Variants in MYH3 observed in about 807,000 individuals in gnomAD.
MYH3 encodes myosin heavy chain 3.
A neutral mutation model predicts 238.0 loss-of-function variants in MYH3; 130 were observed. The ratio of observed to expected loss-of-function variants is 0.55; its 90% CI spans 0.47 to 0.63. The LOEUF (loss-of-function observed/expected upper bound fraction) is 0.63. MYH3 is among the 30% of genes least tolerant of loss of function. The pLI, the probability that MYH3 is intolerant of heterozygous loss-of-function variation, is 0.00. For missense variants in MYH3, 1,853 were observed against 2,374.9 expected (o/e 0.78, Z 4.57); for synonymous variants, 880 against 924.1 (o/e 0.95, Z 0.86).
At chr17:10,632,050 T>A in intron 34 of MYH3, 34 bp from the exon 35 acceptor site, 1 of 1,607,590 alleles carries the variant, frequency 6.2e-7, no homozygotes, top group South Asian at 1.1e-5. Flanking sequence ...CTATTTGAAG[T>A]TGAGGCGTTA....
the MYH3 span, among the ~76,000 whole-genome samples, chr17:10,665,039 C>T: frequency 7.9e-5 from 12 of 152,018 alleles, no homozygotes; most frequent in African/African-American, 2.2e-4. Flanking sequence ...TGGGAGCAAA[C>T]GGCATCATGA....
chr17:10,640,002 T>C lies in MYH3; in HGVS notation c.2676A>G (p.Val892=). The change falls in exon 22 of 41, where the codon GTA becomes GTG. Residue 892 remains valine, a synonymous_variant. Coordinates refer to ENST00000583535, the MANE Select transcript of MYH3 (RefSeq NM_002470.4). The stretch of plus-strand genomic sequence containing the variant: ...AAGATTGCTAAACACGTACAGCTTG[T>C]ACTTGGAGCTGCAGGTCATTCTTCT... ...VQEKNDLQLQ[V]QAESENLLDA... 1.2e-6 allele frequency: 2 copies of C among 1,613,908 alleles called. No homozygotes were observed. The highest frequency in any genetic ancestry group is 1.7e-6 in the Non-Finnish European group (2 of 1,180,018).
At chr17:10,669,830 G>C in the MYH3 span, among the ~76,000 whole-genome samples, 1 of 152,172 alleles carries the variant, frequency 6.6e-6, no homozygotes, top group African/African-American at 2.4e-5. Flanking sequence ...AGGATTGCTT[G>C]AGCCTGGGAA....
chr17:10,650,284 T>C, intron 6 of MYH3, 90 bp downstream of exon 6: 1 of 1,395,234 alleles, frequency 7.2e-7, no homozygotes, highest in East Asian at 2.3e-5. Flanking sequence ...CCTGATCTTT[T>C]TATTATAGAC....
Position 10,644,715 on chromosome 17 carries a change from C to T in MYH3, c.1142-13G>A, listed in dbSNP as rs2074304325. The T allele has an allele frequency of 6.3e-7, 1 of 1,581,370 alleles. No individual in the cohort carries two copies. Among genetic ancestry groups the T allele is most frequent in the South Asian group, 1.1e-5 (1 of 90,370 alleles). On this transcript the variant is annotated splice_polypyrimidine_tract_variant and intron_variant, in intron 12 of 40. Coordinates refer to ENST00000583535, the MANE Select transcript of MYH3 (RefSeq NM_002470.4). ...GTTTTGTCAGCCACTGGCAAGAAAA[C>T]AAGGACAGTGCTTAGAAAAGTAGAA...
At position 10,635,014 on chromosome 17, in the gene MYH3, A is replaced by T; in HGVS notation, c.4182T>A (p.Leu1394=). Residue 1394 remains leucine, a synonymous_variant, in exon 31 of 41, where the codon CTT becomes CTA. Coordinates refer to ENST00000583535, the MANE Select transcript of MYH3 (RefSeq NM_002470.4). ...CCTCGGAATCTTGAAGGCGCTGAGC[A>T]AGTTTTTTCCTTAAAGAATATGAAA... ...TEELEEAKKK[L]AQRLQDSEEQ... is the part of the protein sequence containing the mutation. 1 of 1,614,118 alleles carries T rather than the reference A, an allele frequency of 6.2e-7. No homozygotes were observed. The highest frequency in any genetic ancestry group is 8.5e-7 in the Non-Finnish European group (1 of 1,180,042).
chr17:10,640,297 C>A (rs774763903), intron 21 of MYH3, 36 bp downstream of exon 21: 1 of 1,614,186 alleles, frequency 6.2e-7, no homozygotes, highest in Non-Finnish European at 8.5e-7. Context: ...TCCCCTTCCC[C>A]AAAGAGCTCA....
rs1018088875 is a variant in MYH3, at chr17:10,632,928, T to C, written c.4648-144A>G. The C allele has an allele frequency of 9.3e-6, 9 of 965,908 alleles. No individual in the cohort carries two copies. The African/African-American group carries it at 1.3e-4, about 14-fold the overall frequency. The allele number at this position is 965,908 out of a possible 1,614,324, so 59.8% of individuals were successfully genotyped here. A position where few individuals can be genotyped will look rare whatever the true frequency, so the allele number is the denominator to read the frequency against. On this transcript the variant is annotated intron_variant, in intron 33 of 40. Coordinates refer to ENST00000583535, the MANE Select transcript of MYH3 (RefSeq NM_002470.4). ...AATTCACTTTTTAAATGTCCCCAAA[T>C]TGGCCGGGTGCAGTGGTTCACACCT...
chr17:10,673,029 G>A, the MYH3 span: 1 of 148,162 alleles, frequency 6.7e-6, no homozygotes, highest in Non-Finnish European at 1.5e-5. Context: ...TTTTGAGATG[G>A]AGTCTTGCCC....
At chr17:10,669,492 G>A in the MYH3 span, among the ~76,000 whole-genome samples, 1 of 151,620 alleles carries the variant, frequency 6.6e-6, no homozygotes, top group African/African-American at 2.4e-5. Flanking sequence ...GCTTGAACCT[G>A]GGAGATGGAG....
chr17:10,650,342 C>G (rs760263656), intron 6 of MYH3, 32 bp downstream of exon 6: 1 of 1,595,834 alleles, frequency 6.3e-7, no homozygotes, highest in South Asian at 1.1e-5. Context: ...AGTGGCACAG[C>G]TATGAAACCA....
chr17:10,664,894 G>A, the MYH3 span, among the ~76,000 whole-genome samples: 1 of 152,148 alleles, frequency 6.6e-6, no homozygotes, highest in Non-Finnish European at 1.5e-5. Context: ...GGGATTTGGA[G>A]AAAGGAATTA....
chr17:10,667,014 G>C, the MYH3 span, among the ~76,000 whole-genome samples: 1 of 152,130 alleles, frequency 6.6e-6, no homozygotes, highest in African/African-American at 2.4e-5. Context: ...AATGCATATT[G>C]AAAACACACT....
intron 40 of MYH3, 50 bp from the exon 41 acceptor site, chr17:10,628,729 T>A (rs2074118555): frequency 1.2e-6 from 2 of 1,600,052 alleles, no homozygotes; most frequent in Non-Finnish European, 1.7e-6. Flanking sequence ...AGAGACACAT[T>A]CCCACCCACC....
intron 36 of MYH3, 27 bp from the exon 37 acceptor site, chr17:10,630,485 A>C: frequency 6.2e-7 from 1 of 1,613,974 alleles, no homozygotes; most frequent in Non-Finnish European, 8.5e-7. Context: ...ACTTGCTAGG[A>C]TGCAGAGGAA....
chr17:10,649,794 A>G (rs977110434), intron 6 of MYH3, 109 bp from the exon 7 acceptor site: 4 of 923,930 alleles, frequency 4.3e-6, no homozygotes, highest in African/African-American at 3.2e-5. Flanking sequence ...TCTCTGACAC[A>G]CACTCACCAC....
chr17:10,650,666 T>C (rs1433856072), intron 5 of MYH3, among the ~76,000 whole-genome samples: 2 of 152,242 alleles, frequency 1.3e-5, no homozygotes, highest in Admixed American at 6.5e-5. Flanking sequence ...TAAATCAAGC[T>C]AATTAACAAA....
upstream of MYH3, among the ~76,000 whole-genome samples, chr17:10,660,809 T>A (rs1284483976): frequency 6.6e-6 from 1 of 151,936 alleles, no homozygotes; most frequent in Non-Finnish European, 1.5e-5. Context: ...GGTAAAACCC[T>A]GTCTCTACTA....
At position 10,641,631 on chromosome 17, in the gene MYH3, C is replaced by T. The variant is rs923550692; in HGVS notation, c.1960-259G>A. 4.6e-5 allele frequency among the ~76,000 whole-genome samples: 7 copies of T among 151,696 alleles called. No individual in the cohort carries two copies. In the South Asian group the frequency reaches 1.5e-3, roughly 32 times the overall value. On this transcript the variant is annotated intron_variant, in intron 17 of 40. Coordinates refer to ENST00000583535, the MANE Select transcript of MYH3 (RefSeq NM_002470.4). ...CTAGGTTCAAGCAATTCTCCTGCCT[C>T]AGCCTCCTGAGTAGCTGGGACTACA...
Sources: allele counts gnomAD v4.1 joint callset (sites outside exome capture counted in the v4.1 genomes callset), GRCh38; gene constraint gnomAD v4.1.1; transcripts MANE v1.5; gene names NCBI Gene and HGNC (gene_info 2026-07-23, HGNC 2026-07-21).